LMF1: variants seen among roughly 807,000 people sequenced by gnomAD.
LMF1 encodes transmembrane protein 112.
Under a neutral mutation model 60.6 loss-of-function variants are expected in LMF1, and 68 were observed. The ratio of observed to expected loss-of-function variants is 1.12; its 90% CI spans 0.92 to 1.37. The LOEUF (loss-of-function observed/expected upper bound fraction) is 1.37. Ranked by LOEUF, LMF1 falls within the 40% of genes most tolerant of loss-of-function variation. LMF1 has a pLI of 0.00. For missense variants in LMF1, 948 were observed against 767.2 expected (o/e 1.24, Z -2.78); for synonymous variants, 418 against 324.7 (o/e 1.29, Z -3.09).
intron 5 of LMF1, among the ~76,000 whole-genome samples, chr16:889,385 T>TGGGTGTGAGGCTGCGGAC (rs1567188782): frequency 6.8e-6 from 1 of 147,934 alleles, no homozygotes; most frequent in Admixed American, 6.7e-5. Context: ...AGGCTGCGGA[T>TGGGTGTGAGGCTGCGGAC]GGCCGTGGGT....
At chr16:910,817 G>C in intron 4 of LMF1, 114 bp downstream of exon 4, 1 of 1,361,612 alleles carries the variant, frequency 7.3e-7, no homozygotes. Flanking sequence ...CAGGCCGACA[G>C]GAGGACAGAG....
chr16:979,958 A>G, intron 1 of LMF1: 1 of 355,658 alleles, frequency 2.8e-6, no homozygotes, highest in Non-Finnish European at 5.6e-6. Flanking sequence ...TCCAGGGGGA[A>G]GAGGCACTGC....
chr16:906,879 T>C (rs2070985284), intron 4 of LMF1, among the ~76,000 whole-genome samples: 1 of 152,184 alleles, frequency 6.6e-6, no homozygotes, highest in Non-Finnish European at 1.5e-5. Context: ...ATGGAATCTA[T>C]AGCTCAAATT....
At position 883,405 on chromosome 16, in the gene LMF1, A is replaced by C. The variant is rs1596898598; in HGVS notation, c.730-3668T>G. Among the ~76,000 whole-genome samples the C allele has an allele frequency of 2.6e-5, 4 of 152,402 alleles. No individual in the cohort carries two copies. The South Asian group carries it at 6.2e-4, about 24-fold the overall frequency. On this transcript the variant is annotated intron_variant, in intron 5 of 10. Transcript: ENST00000262301. ...AACCTGTCACAGGACCAGGAGAAAGATGCTGCTGCTCTAAGCCACTGAGGC... is the reference window on the plus strand; with the variant it reads ...AACCTGTCACAGGACCAGGAGAAAGCTGCTGCTGCTCTAAGCCACTGAGGC...
At chr16:927,494 C>G (rs4389146) in intron 3 of LMF1, among the ~76,000 whole-genome samples, 6 of 152,222 alleles carry the variant, frequency 3.9e-5, no homozygotes, top group Admixed American at 3.3e-4. Flanking sequence ...GGTTGCAGCC[C>G]GGCAGCTGAG....
chr16:922,192 T>A (rs73499223), intron 3 of LMF1, among the ~76,000 whole-genome samples: 10 of 152,240 alleles, frequency 6.6e-5, no homozygotes, highest in Non-Finnish European at 1.3e-4. Context: ...GCCATGCTCC[T>A]TGGCAGCAAC....
At chr16:862,316 G>GTATT (rs2069489918) in intron 10 of LMF1, among the ~76,000 whole-genome samples, 1 of 151,804 alleles carries the variant, frequency 6.6e-6, no homozygotes, top group African/African-American at 2.4e-5. Flanking sequence ...GCTAATTTTT[G>GTATT]TATTTTTAGC....
intron 9 of LMF1, chr16:869,577 G>C: frequency 1.6e-6 from 1 of 620,594 alleles, no homozygotes; most frequent in Non-Finnish European, 3.0e-6. Flanking sequence ...ACCCTCAGCT[G>C]CTGGCTAACT....
upstream of LMF1, chr16:971,102 A>T (rs2073043409): frequency 2.8e-6 from 3 of 1,070,762 alleles, no homozygotes; most frequent in African/African-American, 1.7e-5. Flanking sequence ...ACACCCCGGG[A>T]GGCCCCGCTC....
In LMF1 at chr16:962,441, G is replaced by A. The variant is rs2072829319; in HGVS notation, c.194-7775C>T. 2.7e-5 allele frequency among the ~76,000 whole-genome samples: 4 copies of A among 148,316 alleles called. No homozygotes were observed. The highest frequency in any genetic ancestry group is 6.8e-5 in the Admixed American group (1 of 14,710). On this transcript the variant is annotated intron_variant, in intron 1 of 10. Coordinates refer to ENST00000262301, the MANE Select transcript of LMF1 (RefSeq NM_022773.4). This position sits in a 1 kb window ranked among gnomAD's most constrained non-coding sequence, Gnocchi z 4.5. Reference sequence around the variant, plus strand: ...GTGAGCGGCTTCCAGAGGACAGAGCGGGCGGGAAAGCAGGGACCTGTCAGA... The same window carrying A: ...GTGAGCGGCTTCCAGAGGACAGAGCAGGCGGGAAAGCAGGGACCTGTCAGA...
At chr16:866,991 T>A (rs2069626900) in intron 10 of LMF1, among the ~76,000 whole-genome samples, 1 of 152,188 alleles carries the variant, frequency 6.6e-6, no homozygotes, top group Admixed American at 6.5e-5. Flanking sequence ...GGATCTTGGT[T>A]GCACTTAGTG....
At chr16:957,571 G>A (rs144105189) in intron 1 of LMF1, among the ~76,000 whole-genome samples, 1 of 152,178 alleles carries the variant, frequency 6.6e-6, no homozygotes, top group Non-Finnish European at 1.5e-5. Context: ...TTCCGCCGAG[G>A]CTGACAAGCT....
At chr16:979,215 C>T (rs1222533628) in intron 1 of LMF1, 1 of 406,062 alleles carries the variant, frequency 2.5e-6, no homozygotes, top group East Asian at 7.2e-5. Flanking sequence ...CCTAGTGGCT[C>T]ACACCCGCGG....
chr16:931,946 C>T (rs778228747), intron 3 of LMF1, among the ~76,000 whole-genome samples: 2 of 152,248 alleles, frequency 1.3e-5, no homozygotes, highest in Non-Finnish European at 2.9e-5. Context: ...CACCTGAAAA[C>T]ACCCAGGGAG....
At chr16:870,445 G>A (rs1014947797) in intron 8 of LMF1, among the ~76,000 whole-genome samples, 4 of 152,230 alleles carry the variant, frequency 2.6e-5, no homozygotes, top group African/African-American at 9.6e-5. Context: ...GTTGGGGCCT[G>A]GTGGCCTCTC....
intron 3 of LMF1, chr16:921,079 G>A (rs1291959451): frequency 6.6e-6 from 1 of 152,310 alleles, no homozygotes; most frequent in African/African-American, 2.4e-5. Flanking sequence ...GCAGGGCGAG[G>A]ACAGGACAGA....
intron 2 of LMF1, among the ~76,000 whole-genome samples, chr16:940,161 G>T (rs984661776): frequency 3.9e-5 from 6 of 152,158 alleles, no homozygotes; most frequent in Non-Finnish European, 1.5e-5. Context: ...AGACTCGGAG[G>T]GAAGGGAAGG....
intron 3 of LMF1, among the ~76,000 whole-genome samples, chr16:923,869 C>T (rs978196154): frequency 6.6e-6 from 1 of 152,082 alleles, no homozygotes; most frequent in Non-Finnish European, 1.5e-5. Flanking sequence ...GATGGATTGT[C>T]CAATGTGTTT....
chr16:944,608 C>T (rs984773490), intron 2 of LMF1, among the ~76,000 whole-genome samples: 14 of 152,330 alleles, frequency 9.2e-5, no homozygotes, highest in South Asian at 2.1e-4. Flanking sequence ...CACTTGCTGA[C>T]GGTTTCATAG....
Sources: allele counts gnomAD v4.1 joint callset (sites outside exome capture counted in the v4.1 genomes callset), GRCh38; gene constraint gnomAD v4.1.1; non-coding constraint Gnocchi (gnomAD v3.1); transcripts MANE v1.5; gene names NCBI Gene and HGNC (gene_info 2026-07-23, HGNC 2026-07-21).